RSRC1: variants seen among roughly 807,000 people sequenced by gnomAD.
RSRC1 encodes the protein arginine and serine rich coiled-coil 1, also known as serine/Arginine-related protein 53.
In RSRC1, 39 loss-of-function variants were observed where a neutral mutation model predicts 49.1. The observed-to-expected ratio is 0.79, with a 90% CI of 0.61 to 1.04. RSRC1 has a LOEUF of 1.04. Ranked by LOEUF, RSRC1 falls within the 50% of genes least tolerant of loss-of-function variation. The probability of loss-of-function intolerance (pLI) is 0.00; values close to 1 mark genes in which losing one functional copy is unlikely to be tolerated. For missense variants in RSRC1, 388 were observed against 402.4 expected (o/e 0.96, Z 0.31); for synonymous variants, 143 against 130.8 (o/e 1.09, Z -0.63).
At chr3:158,451,615 C>A (rs537730615) in intron 6 of RSRC1, among the ~76,000 whole-genome samples, 1 of 152,076 alleles carries the variant, frequency 6.6e-6, no homozygotes, top group Admixed American at 6.6e-5. Flanking sequence ...ATGTAAATAT[C>A]CCCTTTCTAT....
chr3:158,532,753 T>C (rs1418562657), intron 7 of RSRC1, among the ~76,000 whole-genome samples: 1 of 151,812 alleles, frequency 6.6e-6, no homozygotes, highest in Non-Finnish European at 1.5e-5. Context: ...AATAATATGT[T>C]TATTAAAAAA....
chr3:158,464,601 C>CTT (rs35072230), intron 7 of RSRC1, among the ~76,000 whole-genome samples: 76,739 of 151,818 alleles, frequency 0.51, 20,110 homozygotes, highest in African/African-American at 0.64. Context: ...TTCATCAAAT[C>CTT]TTGCCAGAGC....
intron 6 of RSRC1, among the ~76,000 whole-genome samples, chr3:158,402,762 T>G (rs1354599039): frequency 6.6e-6 from 1 of 151,914 alleles, no homozygotes; most frequent in Admixed American, 6.6e-5. Flanking sequence ...GACTCATACT[T>G]CTATCAAAGG....
At chr3:158,251,536 TG>T (rs1211453406) in intron 4 of RSRC1, among the ~76,000 whole-genome samples, 1 of 152,180 alleles carries the variant, frequency 6.6e-6, no homozygotes, top group African/African-American at 2.4e-5. Context: ...CTTTGTTTTT[TG>T]GTTAAATTAA....
chr3:158,191,996 G>T (rs1345789970), intron 3 of RSRC1, among the ~76,000 whole-genome samples: 2 of 151,944 alleles, frequency 1.3e-5, no homozygotes, highest in East Asian at 3.9e-4. Flanking sequence ...TCTGTGCTTG[G>T]TTTCATGGTT....
intron 6 of RSRC1, among the ~76,000 whole-genome samples, chr3:158,376,536 A>G (rs1732385556): frequency 6.6e-6 from 1 of 151,942 alleles, no homozygotes; most frequent in Non-Finnish European, 1.5e-5. Context: ...CTGTAGCTCC[A>G]TCTCCTCAAC....
chr3:158,391,295 G>C (rs1425466921), intron 6 of RSRC1, among the ~76,000 whole-genome samples: 4 of 151,912 alleles, frequency 2.6e-5, no homozygotes, highest in Non-Finnish European at 5.9e-5. Context: ...AATCATAATT[G>C]ATATTCAAAA....
chr3:158,455,711 G>T (rs1453895874), intron 6 of RSRC1, among the ~76,000 whole-genome samples: 1 of 152,010 alleles, frequency 6.6e-6, no homozygotes, highest in East Asian at 1.9e-4. Flanking sequence ...CTGGTGCGGT[G>T]GCTTACGCCT....
chr3:158,283,834 T>C (rs1400304890), intron 4 of RSRC1, among the ~76,000 whole-genome samples: 1 of 152,034 alleles, frequency 6.6e-6, no homozygotes, highest in African/African-American at 2.4e-5. Context: ...TGAGGATACC[T>C]GATTCTCAGC....
intron 3 of RSRC1, among the ~76,000 whole-genome samples, chr3:158,159,454 ATTTT>A (rs1403619046): frequency 6.6e-6 from 1 of 152,130 alleles, no homozygotes; most frequent in Non-Finnish European, 1.5e-5. Flanking sequence ...TTTCACATGC[ATTTT>A]TTGTTTGCTC....
At chr3:158,537,579 A>T (rs1277281999) in intron 8 of RSRC1, among the ~76,000 whole-genome samples, 1 of 151,634 alleles carries the variant, frequency 6.6e-6, no homozygotes, top group Non-Finnish European at 1.5e-5. Flanking sequence ...GGCTTTAATA[A>T]TAAAAACTAA....
At chr3:158,242,836 G>A (rs1370489011) in intron 4 of RSRC1, among the ~76,000 whole-genome samples, 1 of 151,830 alleles carries the variant, frequency 6.6e-6, no homozygotes, top group East Asian at 1.9e-4. Flanking sequence ...ATGTTTGTTG[G>A]TCACATATAT....
chr3:158,270,168 C>G (rs138585906), intron 4 of RSRC1, among the ~76,000 whole-genome samples: 2 of 152,268 alleles, frequency 1.3e-5, no homozygotes, highest in East Asian at 1.9e-4. Context: ...CTCTTCATTG[C>G]TGTTCCAATG....
At chr3:158,256,212 T>C (rs1407386964) in intron 4 of RSRC1, among the ~76,000 whole-genome samples, 2 of 152,120 alleles carry the variant, frequency 1.3e-5, no homozygotes, top group South Asian at 2.1e-4. Context: ...CATAAATAGC[T>C]CTTATTGTTT....
rs78178678 is a variant in RSRC1, at chr3:158,449,886, T to C, written c.584-11049T>C. Reference sequence around the variant, plus strand: ...GTGTCCCTTGGATTATATGGAAACATACCTCCTGGTTTCCTACTACTGCTT... The same window carrying C: ...GTGTCCCTTGGATTATATGGAAACACACCTCCTGGTTTCCTACTACTGCTT... On this transcript the variant is annotated intron_variant, in intron 6 of 9. Coordinates refer to ENST00000611884, the MANE Select transcript of RSRC1 (RefSeq NM_001271838.2). Among the ~76,000 whole-genome samples the C allele has an allele frequency of 7.4e-3, 1,124 of 152,076 alleles. 54 individuals are homozygous for C. The East Asian group carries it at 0.12, about 16-fold the overall frequency.
chr3:158,403,835 A>G (rs1734012302), intron 6 of RSRC1, among the ~76,000 whole-genome samples: 1 of 151,816 alleles, frequency 6.6e-6, no homozygotes, highest in South Asian at 2.1e-4. Context: ...AATTCGTTAT[A>G]TAAACTATAA....
intron 4 of RSRC1, among the ~76,000 whole-genome samples, chr3:158,273,534 C>T (rs1174311559): frequency 1.3e-5 from 2 of 152,058 alleles, no homozygotes; most frequent in Admixed American, 1.3e-4. Flanking sequence ...CCCATTCTAT[C>T]GCAATGGCTT....
At chr3:158,435,431 CT>C (rs1735993972) in intron 6 of RSRC1, among the ~76,000 whole-genome samples, 1 of 151,394 alleles carries the variant, frequency 6.6e-6, no homozygotes, top group Admixed American at 6.6e-5. Flanking sequence ...AAAATTGTTC[CT>C]TATGTATCTA....
At chr3:158,272,185 T>C (rs1725556557) in intron 4 of RSRC1, among the ~76,000 whole-genome samples, 1 of 152,182 alleles carries the variant, frequency 6.6e-6, no homozygotes, top group Non-Finnish European at 1.5e-5. Context: ...CGTGGATTTT[T>C]TCCCTGCACA....
Sources: allele counts gnomAD v4.1 joint callset (sites outside exome capture counted in the v4.1 genomes callset), GRCh38; gene constraint gnomAD v4.1.1; transcripts MANE v1.5; gene names NCBI Gene and HGNC (gene_info 2026-07-23, HGNC 2026-07-21).